Variants in FAM13A observed in about 807,000 individuals in gnomAD.
The protein encoded by FAM13A is family with sequence similarity 13 member A.
FAM13A carries 76 observed loss-of-function variants against 129.6 expected under a neutral mutation model. The ratio of observed to expected loss-of-function variants is 0.59; its 90% CI spans 0.49 to 0.71. The LOEUF is 0.71. FAM13A is among the 30% of genes least tolerant of loss of function. The pLI is 0.00. For synonymous variants in FAM13A, 443 were observed against 449.9 expected (o/e 0.98, Z 0.20); for missense variants, 1,108 against 1,249.3 (o/e 0.89, Z 1.70).
intron 4 of FAM13A, among the ~76,000 whole-genome samples, chr4:88,946,994 G>C (rs1045255086): frequency 2.0e-5 from 3 of 152,084 alleles, no homozygotes; most frequent in African/African-American, 7.2e-5. Context: ...TATTGACCTA[G>C]GTCAATAGGT....
chr4:88,787,886 C>A lies in FAM13A; in HGVS notation c.1138G>T (p.Asp380Tyr). ...IRSAVEQHLF[D>Y]VNNSGGQSSE... Reference sequence around the variant, plus strand: ...CTTTGACCTCCAGAGTTATTAACATCAAAAAGATGTTGTTCTACAGCTGAT... The same window carrying A: ...CTTTGACCTCCAGAGTTATTAACATAAAAAAGATGTTGTTCTACAGCTGAT... The change falls in exon 10 of 24, where the codon GAT (aspartate) becomes TAT (tyrosine). Residue 380 changes from aspartate to tyrosine, a missense_variant. This residue lies in a region of FAM13A where 566 missense variants were observed against 595.7 expected (regional missense o/e 0.95). Coordinates refer to ENST00000264344, the MANE Select transcript of FAM13A (RefSeq NM_014883.4). The A allele has an allele frequency of 1.2e-6, 2 of 1,613,346 alleles. No homozygotes were observed. Among genetic ancestry groups the A allele is most frequent in the Non-Finnish European group, 1.7e-6 (2 of 1,179,604 alleles).
At chr4:88,836,854 G>A (rs1366500802) in intron 7 of FAM13A, among the ~76,000 whole-genome samples, 2 of 151,834 alleles carry the variant, frequency 1.3e-5, no homozygotes, top group Admixed American at 6.6e-5. Context: ...CAGCTATTTG[G>A]GAGGCTGAGG....
intron 6 of FAM13A, among the ~76,000 whole-genome samples, chr4:88,891,490 C>T (rs1745312430): frequency 6.6e-6 from 1 of 152,132 alleles, no homozygotes; most frequent in Non-Finnish European, 1.5e-5. Flanking sequence ...GGCTGTACAA[C>T]ATTTATACTA....
intron 1 of FAM13A, among the ~76,000 whole-genome samples, chr4:89,055,856 G>GCAGTTTCAC (rs1327951458): frequency 6.6e-6 from 1 of 152,146 alleles, no homozygotes; most frequent in African/African-American, 2.4e-5. Flanking sequence ...AGGTCATCCT[G>GCAGTTTCAC]CAGTTTCACT....
chr4:88,996,504 TTTA>T (rs1406056042), intron 3 of FAM13A, among the ~76,000 whole-genome samples: 1 of 152,226 alleles, frequency 6.6e-6, no homozygotes, highest in Admixed American at 6.5e-5. Context: ...TCCGAAAACA[TTTA>T]TTGAGTGACT....
At chr4:89,003,652 C>T (rs979575636) in intron 3 of FAM13A, among the ~76,000 whole-genome samples, 30 of 151,394 alleles carry the variant, frequency 2.0e-4, no homozygotes, top group African/African-American at 7.3e-4. Context: ...AATATATATA[C>T]ATGTATGTAA....
At chr4:88,831,896 A>T (rs199673208) in intron 7 of FAM13A, among the ~76,000 whole-genome samples, 2 of 147,044 alleles carry the variant, frequency 1.4e-5, no homozygotes, top group South Asian at 2.2e-4. Flanking sequence ...ATTTTTTTTT[A>T]AATTCATATG....
chr4:88,939,654 T>C (rs1754433220), intron 4 of FAM13A, among the ~76,000 whole-genome samples: 1 of 152,200 alleles, frequency 6.6e-6, no homozygotes, highest in South Asian at 2.1e-4. Context: ...CTGATCAATA[T>C]GATTTGGCAA....
chr4:88,750,015 G>A (rs1338307887), intron 15 of FAM13A, 106 bp from the exon 16 acceptor site: 3 of 1,211,504 alleles, frequency 2.5e-6, no homozygotes, highest in East Asian at 2.4e-5. Flanking sequence ...GTGGGGTGGG[G>A]GCAGTGCGGA....
At chr4:88,814,758 C>G (rs773251573) in intron 7 of FAM13A, among the ~76,000 whole-genome samples, 12 of 151,948 alleles carry the variant, frequency 7.9e-5, no homozygotes, top group African/African-American at 1.9e-4. Flanking sequence ...TTTTCTCTAG[C>G]CTTTCAGTTC....
At chr4:88,800,707 A>G (rs1337304903) in intron 8 of FAM13A, among the ~76,000 whole-genome samples, 1 of 151,142 alleles carries the variant, frequency 6.6e-6, no homozygotes, top group Non-Finnish European at 1.5e-5. Context: ...AAAAAAAAAA[A>G]AAGAAAAAAA....
At chr4:88,872,434 G>A (rs924878341) in intron 6 of FAM13A, among the ~76,000 whole-genome samples, 2 of 152,174 alleles carry the variant, frequency 1.3e-5, no homozygotes, top group African/African-American at 4.8e-5. Flanking sequence ...ATAAAGGGAT[G>A]GAGGAAGATC....
At chr4:89,006,877 G>A (rs541717866) in intron 3 of FAM13A, among the ~76,000 whole-genome samples, 8 of 152,234 alleles carry the variant, frequency 5.3e-5, no homozygotes, top group East Asian at 1.9e-4. Flanking sequence ...AAGTTAAGCC[G>A]CATCTATCCA....
chr4:88,988,811 A>T (rs1049024891), intron 4 of FAM13A, among the ~76,000 whole-genome samples: 11 of 152,254 alleles, frequency 7.2e-5, no homozygotes, highest in Non-Finnish European at 1.3e-4. Context: ...TCTGGCCAAG[A>T]TAAATAGTGA....
At position 88,758,857 on chromosome 4, in the gene FAM13A, G is replaced by A. The variant is rs199724976; in HGVS notation, c.1623C>T (p.Thr541=). The change falls in exon 14 of 24, where the codon ACC becomes ACT. Residue 541 remains threonine (T), a synonymous_variant. Transcript: ENST00000264344. The part of the protein sequence containing the change: ...KIQEHPSLSD[T]KQQRNQDAGD... ...CGGCATCTTGATTTCTCTGCTGTTT[G>A]GTGTCAGATAGGCTGGGATGCTCCT... 6.2e-7 allele frequency: 1 copy of A among 1,613,966 alleles called. No individual in the cohort carries two copies. The highest frequency in any genetic ancestry group is 8.5e-7 in the Non-Finnish European group (1 of 1,179,884).
intron 19 of FAM13A, 27 bp from the exon 20 acceptor site, chr4:88,739,152 G>GA (rs1560852556): frequency 6.6e-7 from 1 of 1,523,410 alleles, no homozygotes; most frequent in East Asian, 2.3e-5. Flanking sequence ...AGAGCTATGA[G>GA]AAGCCTGCTG....
At chr4:88,920,450 T>C (rs1349665422) in intron 5 of FAM13A, among the ~76,000 whole-genome samples, 9 of 152,138 alleles carry the variant, frequency 5.9e-5, no homozygotes, top group Non-Finnish European at 1.2e-4. Flanking sequence ...GGGTCTGGAG[T>C]GGACCTCTAG....
At chr4:88,896,488 G>C (rs1746356835) in intron 6 of FAM13A, among the ~76,000 whole-genome samples, 1 of 151,974 alleles carries the variant, frequency 6.6e-6, no homozygotes, top group African/African-American at 2.4e-5. Context: ...AAAATTATAT[G>C]GTCACTAACT....
chr4:89,006,536 A>T (rs1316439444), intron 3 of FAM13A, among the ~76,000 whole-genome samples: 2 of 152,304 alleles, frequency 1.3e-5, no homozygotes, highest in East Asian at 3.9e-4. Context: ...GGCCAGAGCG[A>T]GCACTTTTGG....
Sources: gnomAD v4.1 joint callset for allele counts (sites outside exome capture counted in the v4.1 genomes callset) on GRCh38, gnomAD v4.1.1 for gene constraint, gnomAD v4.1.1 regional missense constraint, MANE v1.5 for transcripts, NCBI Gene and HGNC (gene_info 2026-07-23, HGNC 2026-07-21) for gene names.